The following WIF1 variants were observed in gnomAD, a reference collection of about 807,000 sequenced individuals.
The protein encoded by WIF1 is Wnt inhibitory factor 1.
WIF1 carries 35 observed loss-of-function variants against 53.5 expected under a neutral mutation model. The observed-to-expected ratio is 0.65, with a 90% CI of 0.50 to 0.87. The LOEUF (loss-of-function observed/expected upper bound fraction) is 0.87, where lower values mean the gene tolerates loss of function less well. WIF1 is among the 40% of genes least tolerant of loss of function. The pLI is 0.00. For missense variants in WIF1, 467 were observed against 476.8 expected (o/e 0.98, Z 0.19); for synonymous variants, 171 against 170.4 (o/e 1.00, Z -0.03).
intron 3 of WIF1, among the ~76,000 whole-genome samples, chr12:65,076,940 A>G (rs1882870276): frequency 6.6e-6 from 1 of 152,114 alleles, no homozygotes; most frequent in Non-Finnish European, 1.5e-5. Context: ...ATATTATCAC[A>G]AATATGTAAA....
At chr12:65,116,932 C>CAAAAAAAAAAA (rs35417909) in intron 2 of WIF1, among the ~76,000 whole-genome samples, 1 of 64,756 alleles carries the variant, frequency 1.5e-5, no homozygotes, top group Non-Finnish European at 3.0e-5. Context: ...GACTCTGTCT[C>CAAAAAAAAAAA]AAAAAAAAAA....
intron 3 of WIF1, among the ~76,000 whole-genome samples, chr12:65,070,699 A>C (rs1882759721): frequency 6.6e-6 from 1 of 152,110 alleles, no homozygotes. Flanking sequence ...TTTCTGAACC[A>C]CATTCAGCCT....
intron 2 of WIF1, among the ~76,000 whole-genome samples, chr12:65,104,946 A>G (rs1883332399): frequency 6.6e-6 from 1 of 152,226 alleles, no homozygotes; most frequent in Admixed American, 6.5e-5. Flanking sequence ...TATATGAAGT[A>G]GCTGAAGAAA....
chr12:65,121,291 G>A lies in WIF1; in HGVS notation c.-100C>T. On this transcript the variant is annotated 5_prime_UTR_variant, in exon 1 of 10. Coordinates refer to ENST00000286574, the MANE Select transcript of WIF1 (RefSeq NM_007191.5). ...TGCTGCGCTGCAGCTCCCTCAGCCA[G>A]GGCTGTTCCCGTTTAGACGGCTGGG... 1.5e-6 allele frequency: 2 copies of A among 1,297,814 alleles called. No homozygotes were observed. The highest frequency in any genetic ancestry group is 1.5e-5 in the African/African-American group (1 of 65,220). 80.4% of individuals were successfully genotyped at this position (1,297,814 alleles called of 1,614,324 possible).
At chr12:65,062,647 G>T in intron 6 of WIF1, 71 bp from the exon 7 acceptor site, 2 of 1,403,224 alleles carry the variant, frequency 1.4e-6, no homozygotes, top group Non-Finnish European at 2.0e-6. Context: ...CACTTAAAGT[G>T]AGGTGCTATT....
chr12:65,120,389 A>G (rs201618544), intron 2 of WIF1, 28 bp downstream of exon 2: 1 of 1,607,902 alleles, frequency 6.2e-7, no homozygotes, highest in South Asian at 1.1e-5. Flanking sequence ...CAGTGGAAAT[A>G]TTAAAGGGTA....
chr12:65,068,821 C>T lies in WIF1; in HGVS notation c.481G>A (p.Gly161Ser). The change falls in exon 4 of 10, where the codon GGC (glycine) becomes AGC (serine). Residue 161 changes from glycine (G) to serine (S), a missense_variant. Gly to Ser is a moderately conservative substitution (Grantham distance 56). Transcript: ENST00000286574. The stretch of plus-strand genomic sequence containing the variant: ...TGAGGTGTTTGGAGAATGGTGTTGC[C>T]TTCAGAATTCATAACAATCACATCC... Reference protein sequence around the residue: ...EVDVIVMNSEGNTILQTPQNA... With the variant: ...EVDVIVMNSESNTILQTPQNA... 6.2e-7 allele frequency: 1 copy of T among 1,613,668 alleles called. No individual in the cohort carries two copies. Among genetic ancestry groups the T allele is most frequent in the Non-Finnish European group, 8.5e-7 (1 of 1,179,748 alleles).
At chr12:65,085,572 G>A (rs1883025907) in intron 2 of WIF1, among the ~76,000 whole-genome samples, 1 of 152,156 alleles carries the variant, frequency 6.6e-6, no homozygotes, top group African/African-American at 2.4e-5. Context: ...AAAGGAAAAG[G>A]GAAAGCACCT....
At chr12:65,084,778 G>A (rs771142222) in intron 2 of WIF1, among the ~76,000 whole-genome samples, 3 of 152,108 alleles carry the variant, frequency 2.0e-5, no homozygotes, top group Non-Finnish European at 2.9e-5. Flanking sequence ...GTGGTAAAAT[G>A]GCATTAGCCT....
chr12:65,052,137 G>A (rs561568632), intron 9 of WIF1, among the ~76,000 whole-genome samples: 1 of 152,262 alleles, frequency 6.6e-6, no homozygotes, highest in South Asian at 2.1e-4. Flanking sequence ...ATGCTCAGGG[G>A]CAGTAACTCA....
At chr12:65,078,038 T>A (rs1179928558) in intron 2 of WIF1, among the ~76,000 whole-genome samples, 184 bp from the exon 3 acceptor site, 2 of 152,044 alleles carry the variant, frequency 1.3e-5, no homozygotes, top group Admixed American at 6.6e-5. Context: ...AGAGAAGTGA[T>A]CCCTAAAAAC....
chr12:65,098,627 G>A (rs1455241684), intron 2 of WIF1, among the ~76,000 whole-genome samples: 1 of 151,944 alleles, frequency 6.6e-6, no homozygotes. Flanking sequence ...AGCCCACTCA[G>A]CTATTGCCTC....
At chr12:65,114,719 A>G (rs1883483368) in intron 2 of WIF1, among the ~76,000 whole-genome samples, 1 of 152,192 alleles carries the variant, frequency 6.6e-6, no homozygotes, top group Admixed American at 6.5e-5. Flanking sequence ...GTTATACATA[A>G]AAACAAACAC....
intron 2 of WIF1, among the ~76,000 whole-genome samples, chr12:65,093,230 G>A (rs1323544626): frequency 6.6e-6 from 1 of 152,168 alleles, no homozygotes; most frequent in African/African-American, 2.4e-5. Context: ...AGGGGCTGCT[G>A]TGAGAAAGAG....
At chr12:65,061,177 G>A (rs1315559168) in intron 7 of WIF1, among the ~76,000 whole-genome samples, 1 of 152,034 alleles carries the variant, frequency 6.6e-6, no homozygotes, top group African/African-American at 2.4e-5. Context: ...AACTTTAGAG[G>A]TATTTCATTT....
At chr12:65,065,099 C>G (rs899808024) in intron 6 of WIF1, among the ~76,000 whole-genome samples, 1 of 152,066 alleles carries the variant, frequency 6.6e-6, no homozygotes, top group African/African-American at 2.4e-5. Context: ...TTTATGAAAA[C>G]ACATTCAAAA....
intron 3 of WIF1, among the ~76,000 whole-genome samples, chr12:65,074,576 G>T (rs1378961938): frequency 6.6e-6 from 1 of 151,944 alleles, no homozygotes; most frequent in African/African-American, 2.4e-5. Context: ...CCAACACTTT[G>T]GGAGGCCGAG....
intron 2 of WIF1, 106 bp from the exon 3 acceptor site, chr12:65,077,960 G>C: frequency 2.5e-6 from 2 of 811,766 alleles, no homozygotes; most frequent in East Asian, 5.3e-5. Context: ...TTCATTACAG[G>C]AACTCTGGAG....
chr12:65,121,248 T>C lies in WIF1; in HGVS notation c.-57A>G. 7.2e-7 allele frequency: 1 copy of C among 1,382,910 alleles called. No individual in the cohort carries two copies. The highest frequency in any genetic ancestry group is 1.6e-5 in the South Asian group (1 of 61,300). 85.7% of individuals were successfully genotyped at this position (1,382,910 alleles called of 1,614,324 possible). A position where few individuals can be genotyped will look rare whatever the true frequency, so the allele number is the denominator to read the frequency against. On this transcript the variant is annotated 5_prime_UTR_variant, in exon 1 of 10. Coordinates refer to ENST00000286574, the MANE Select transcript of WIF1 (RefSeq NM_007191.5). ...CTCCTCGTGCCGCACCTACGCAACC[T>C]GGCGCCGTCAGATACTCTGCTGCGC...
Sources: allele counts gnomAD v4.1 joint callset (sites outside exome capture counted in the v4.1 genomes callset), GRCh38; gene constraint gnomAD v4.1.1; transcripts MANE v1.5; gene names NCBI Gene and HGNC (gene_info 2026-07-23, HGNC 2026-07-21).